Variants in RNF220 observed in about 807,000 individuals in gnomAD.
RNF220 encodes E3 ubiquitin-protein ligase RNF220.
RNF220 carries 7 observed loss-of-function variants against 67.1 expected under a neutral mutation model. The ratio of observed to expected loss-of-function variants is 0.10; its 90% CI spans 0.06 to 0.20. The LOEUF (loss-of-function observed/expected upper bound fraction) is 0.20. RNF220 is among the 10% of genes least tolerant of loss of function. RNF220 has a pLI of 1.00. For missense variants in RNF220, 565 were observed against 740.3 expected, an observed-to-expected ratio of 0.76 and a Z score of 2.75; for synonymous variants, 270 against 283.2, an observed-to-expected ratio of 0.95 and a Z score of 0.47.
intron 1 of RNF220, among the ~76,000 whole-genome samples, chr1:44,406,471 G>A (rs1004178410): frequency 6.6e-6 from 1 of 152,264 alleles, no homozygotes; most frequent in African/African-American, 2.4e-5. Context: ...AGGGCTACTT[G>A]ACTACTCTAC....
intron 2 of RNF220, among the ~76,000 whole-genome samples, chr1:44,603,209 T>C (rs994252721): frequency 6.6e-6 from 1 of 152,284 alleles, no homozygotes; most frequent in Non-Finnish European, 1.5e-5. Flanking sequence ...AGGCGTTATC[T>C]GGCACGTTGA....
At chr1:44,408,456 C>A (rs370742437) in intron 1 of RNF220, among the ~76,000 whole-genome samples, 4 of 152,132 alleles carry the variant, frequency 2.6e-5, no homozygotes, top group African/African-American at 9.7e-5. Context: ...CCAAATACCC[C>A]CTGGGCATTT....
chr1:44,499,348 C>G (rs1332182680), intron 2 of RNF220, among the ~76,000 whole-genome samples: 2 of 152,162 alleles, frequency 1.3e-5, no homozygotes, highest in Admixed American at 1.3e-4. Flanking sequence ...TGAACCCTCA[C>G]TAGTCAGATT....
intron 2 of RNF220, among the ~76,000 whole-genome samples, chr1:44,463,022 A>G (rs1466381242): frequency 5.9e-5 from 9 of 151,396 alleles, no homozygotes; most frequent in African/African-American, 1.7e-4. Flanking sequence ...GCAAGACTCC[A>G]TCTCAAAAAA....
In RNF220 at chr1:44,450,468, T is replaced by C. The variant is rs1478777686; in HGVS notation, c.625+37746T>C. Among the ~76,000 whole-genome samples, 4 of 152,246 alleles carry C rather than the reference T, an allele frequency of 2.6e-5. No individual in the cohort carries two copies. In the South Asian group the frequency reaches 8.3e-4, roughly 32 times the overall value. ...AAACGTAAATAACTGCGCTGTTTAC[T>C]GTTTAATAGGTACCCTTGAAGACCT... On this transcript the variant is annotated intron_variant, in intron 2 of 14. Transcript: ENST00000361799.
intron 2 of RNF220, among the ~76,000 whole-genome samples, chr1:44,527,247 C>T (rs1422184871): frequency 6.6e-6 from 1 of 152,010 alleles, no homozygotes; most frequent in African/African-American, 2.4e-5. Flanking sequence ...TATATTCTTC[C>T]AAGCCTGCAA....
intron 2 of RNF220, among the ~76,000 whole-genome samples, chr1:44,507,737 T>C (rs1316339838): frequency 6.6e-6 from 1 of 152,008 alleles, no homozygotes; most frequent in African/African-American, 2.4e-5. Flanking sequence ...AAGTGGCCGG[T>C]GTGGGCGGCT....
At chr1:44,585,328 C>G (rs1186314367) in intron 2 of RNF220, among the ~76,000 whole-genome samples, 1 of 152,162 alleles carries the variant, frequency 6.6e-6, no homozygotes, top group Non-Finnish European at 1.5e-5. Flanking sequence ...TCCTGGAGCT[C>G]CAACTCTCTT....
intron 2 of RNF220, among the ~76,000 whole-genome samples, chr1:44,592,910 C>T (rs1010756910): frequency 6.6e-6 from 1 of 152,170 alleles, no homozygotes; most frequent in African/African-American, 2.4e-5. Flanking sequence ...ATGGAGCCAC[C>T]AGGATAGGAC....
chr1:44,519,369 TA>T (rs1449064034), intron 2 of RNF220, among the ~76,000 whole-genome samples: 1 of 152,182 alleles, frequency 6.6e-6, no homozygotes, highest in Non-Finnish European at 1.5e-5. Flanking sequence ...AAACACCTAT[TA>T]AAATGCAGAG....
At chr1:44,485,332 C>A (rs997641762) in intron 2 of RNF220, among the ~76,000 whole-genome samples, 1 of 152,112 alleles carries the variant, frequency 6.6e-6, no homozygotes, top group Non-Finnish European at 1.5e-5. Context: ...ATGAGAAATT[C>A]CTTTCTAATA....
At chr1:44,457,712 C>T (rs552173283) in intron 2 of RNF220, among the ~76,000 whole-genome samples, 34 of 152,142 alleles carry the variant, frequency 2.2e-4, no homozygotes, top group Non-Finnish European at 3.2e-4. Flanking sequence ...AGTTCTGAAA[C>T]AGAGAAGTCC....
chr1:44,635,527 T>G lies in RNF220; in HGVS notation c.950-18T>G, dbSNP rs1357239527. 1 of 1,612,074 alleles carries G rather than the reference T, an allele frequency of 6.2e-7. No homozygotes were observed. The highest frequency in any genetic ancestry group is 1.3e-5 in the African/African-American group (1 of 74,510). On this transcript the variant is annotated intron_variant, in intron 6 of 14. Transcript: ENST00000361799. ...CCGTCTGCTTGTTCTGTGCTTTGTT[T>G]TCGGTTTCCCCGTGCAGCTCGGATT... is the stretch of plus-strand genomic sequence containing the variant.
chr1:44,527,923 CCCAAA>C (rs1426638193), intron 2 of RNF220, among the ~76,000 whole-genome samples: 93 of 7,392 alleles, frequency 0.013, 2 homozygotes, highest in South Asian at 0.081. Flanking sequence ...AAGACTCCAT[CCCAAA>C]AAAAAAAAAA....
intron 2 of RNF220, among the ~76,000 whole-genome samples, chr1:44,509,884 C>CAAATAA (rs1557996558): frequency 1.2e-5 from 1 of 80,408 alleles, no homozygotes; most frequent in Non-Finnish European, 2.4e-5. Context: ...GAGACCCTGT[C>CAAATAA]CAAAAAAAAA....
At chr1:44,449,950 GC>G (rs2147925943) in intron 2 of RNF220, among the ~76,000 whole-genome samples, 2 of 152,294 alleles carry the variant, frequency 1.3e-5, no homozygotes, top group Admixed American at 1.3e-4. Flanking sequence ...AGTGGCTCAC[GC>G]CTGTAATCCC....
chr1:44,644,613 G>A lies in RNF220; in HGVS notation c.1127-85G>A. 2.8e-6 allele frequency: 3 copies of A among 1,055,726 alleles called. No homozygotes were observed. The South Asian group carries it at 3.9e-5, about 14-fold the overall frequency. 65.4% of individuals were successfully genotyped at this position (1,055,726 alleles called of 1,614,324 possible). ...CCCTCTGGGCCTTATCAGGTCCAAAGCCTAACCCCTACCTGGAGGCAACAG... is the reference window on the plus strand; with the variant it reads ...CCCTCTGGGCCTTATCAGGTCCAAAACCTAACCCCTACCTGGAGGCAACAG... On this transcript the variant is annotated intron_variant, in intron 8 of 14. Coordinates refer to ENST00000361799, the MANE Select transcript of RNF220 (RefSeq NM_018150.4).
chr1:44,509,367 A>G (rs1658737138), intron 2 of RNF220, among the ~76,000 whole-genome samples: 1 of 151,846 alleles, frequency 6.6e-6, no homozygotes, highest in Non-Finnish European at 1.5e-5. Flanking sequence ...TGGCTAACAC[A>G]GTGAAACCCC....
Position 44,636,141 on chromosome 1 carries a change from C to G in RNF220, c.1105C>G (p.Leu369Val), listed in dbSNP as rs1409890987. ...ACAGAAGCGGATACGGGCCACCACT[C>G]TCCTGGAAGGTGGCTTCCGAGGTAC... is the stretch of plus-strand genomic sequence containing the variant. ...CGQKRIRATTLLEGGFRGSGF... is the reference protein window; with the variant it reads ...CGQKRIRATTVLEGGFRGSGF... The change falls in exon 8 of 15, where the codon CTC (leucine) becomes GTC (valine). Residue 369 changes from leucine to valine, a missense_variant. Transcript: ENST00000361799. 2 of 1,607,184 alleles carry G rather than the reference C, an allele frequency of 1.2e-6. No individual in the cohort carries two copies. Among genetic ancestry groups the G allele is most frequent in the South Asian group, 1.1e-5 (1 of 90,750 alleles).
Sources: allele counts gnomAD v4.1 joint callset (sites outside exome capture counted in the v4.1 genomes callset), GRCh38; gene constraint gnomAD v4.1.1; transcripts MANE v1.5; gene names NCBI Gene and HGNC (gene_info 2026-07-23, HGNC 2026-07-21).